R3HDM1: variants seen among roughly 807,000 people sequenced by gnomAD.
The protein encoded by R3HDM1 is R3H domain containing 1, also known as R3H domain-containing protein 1.
R3HDM1 carries 46 observed loss-of-function variants against 141.1 expected under a neutral mutation model. The ratio of observed to expected loss-of-function variants is 0.33; its 90% CI spans 0.26 to 0.42. The LOEUF (loss-of-function observed/expected upper bound fraction) is 0.42, where lower values mean the gene tolerates loss of function less well. Among genes scored for constraint, R3HDM1 ranks in the 10% least tolerant of loss-of-function variants. R3HDM1 has a pLI of 1.00. For missense variants in R3HDM1, 1,184 were observed against 1,368.3 expected (o/e 0.87, Z 2.12); for synonymous variants, 435 against 472.9 (o/e 0.92, Z 1.04).
At chr2:135,606,975 T>TG (rs1236787620) in intron 3 of R3HDM1, among the ~76,000 whole-genome samples, 66 of 6,936 alleles carry the variant, frequency 9.5e-3, no homozygotes, top group African/African-American at 0.024. Context: ...TTTTTTTGGG[T>TG]GGGGGGGCGG....
intron 1 of R3HDM1, among the ~76,000 whole-genome samples, chr2:135,579,789 A>G (rs1234456428): frequency 6.6e-6 from 1 of 152,182 alleles, no homozygotes; most frequent in Non-Finnish European, 1.5e-5. Context: ...GAATCTAAAT[A>G]AGGTCTGTAG....
chr2:135,570,196 T>C (rs1437860453), intron 1 of R3HDM1, among the ~76,000 whole-genome samples: 1 of 152,268 alleles, frequency 6.6e-6, no homozygotes, highest in Non-Finnish European at 1.5e-5. Context: ...ATTATTCTTA[T>C]TTTCTGCCAC....
intron 1 of R3HDM1, among the ~76,000 whole-genome samples, chr2:135,576,835 C>T (rs1224852294): frequency 6.6e-6 from 1 of 151,934 alleles, no homozygotes; most frequent in Non-Finnish European, 1.5e-5. Context: ...TTAGTGGTTG[C>T]CGGGGGCTAA....
chr2:135,587,890 CT>C (rs1183074102), intron 1 of R3HDM1, among the ~76,000 whole-genome samples: 1 of 151,982 alleles, frequency 6.6e-6, no homozygotes, highest in Non-Finnish European at 1.5e-5. Context: ...CTCCCTCCAT[CT>C]TCCATTCTCC....
At chr2:135,584,289 C>G (rs1252724409) in intron 1 of R3HDM1, 1 of 715,382 alleles carries the variant, frequency 1.4e-6, no homozygotes, top group Non-Finnish European at 1.7e-6. Flanking sequence ...GATTGTGCCA[C>G]TGCTCTCCAG....
Position 135,651,916 on chromosome 2 carries a change from C to T in R3HDM1, c.1912C>T (p.Pro638Ser). Reference sequence around the variant, plus strand: ...TCCACCGCCACCACCACCACCTCCTCCTCCTCCCCTACCACCTGGGCAGCC... The same window carrying T: ...TCCACCGCCACCACCACCACCTCCTTCTCCTCCCCTACCACCTGGGCAGCC... ...PPPPPPPPPP[P>S]PPLPPGQPVP... is the part of the protein sequence containing the mutation. Residue 638 changes from proline to serine, a missense_variant, in exon 18 of 27, where the codon CCT becomes TCT. Around this residue, in one of 5 missense-constraint regions of R3HDM1, gnomAD observed 563 missense variants for 562.0 expected, o/e 1.00. Transcript: ENST00000683871. 6.2e-7 allele frequency: 1 copy of T among 1,612,712 alleles called. No individual in the cohort carries two copies. The highest frequency in any genetic ancestry group is 8.5e-7 in the Non-Finnish European group (1 of 1,178,868).
Position 135,531,681 on chromosome 2 carries a change from G to T in R3HDM1, c.-250+48G>T, listed in dbSNP as rs928037078. ...CCGTCCAGCTCCCCGGGAATAACGC[G>T]CCTTGCTCCCCTCCCCCGCCCGCCA... On this transcript the variant is annotated intron_variant, in intron 1 of 26. Coordinates refer to ENST00000683871, the MANE Select transcript of R3HDM1 (RefSeq NM_001378107.1). 4 of 985,966 alleles carry T rather than the reference G, an allele frequency of 4.1e-6. No homozygotes were observed. In the African/African-American group the frequency reaches 5.2e-5, roughly 13 times the overall value. The allele number at this position is 985,966 out of a possible 1,614,324, so 61.1% of individuals were successfully genotyped here. A position where few individuals can be genotyped will look rare whatever the true frequency, so the allele number is the denominator to read the frequency against.
chr2:135,711,981 A>G (rs2075697518), intron 23 of R3HDM1, among the ~76,000 whole-genome samples: 1 of 151,426 alleles, frequency 6.6e-6, no homozygotes, highest in Non-Finnish European at 1.5e-5. Flanking sequence ...AAAAAAAAAA[A>G]AAAAAAAGAG....
intron 3 of R3HDM1, chr2:135,607,831 T>C (rs2060205777): frequency 1.0e-6 from 1 of 981,018 alleles, no homozygotes; most frequent in South Asian, 4.7e-5. Context: ...ACCCAAACCA[T>C]TTATTGAAAA....
intron 1 of R3HDM1, among the ~76,000 whole-genome samples, chr2:135,579,600 G>A (rs928950538): frequency 1.4e-5 from 2 of 147,756 alleles, no homozygotes; most frequent in Non-Finnish European, 2.9e-5. Flanking sequence ...GGTGGCGGGG[G>A]GGGGTGGAAA....
intron 19 of R3HDM1, 107 bp downstream of exon 19, chr2:135,661,500 T>C (rs933495980): frequency 7.2e-7 from 1 of 1,387,658 alleles, no homozygotes; most frequent in East Asian, 2.3e-5. Context: ...GGATCTCGAA[T>C]ATGTTCATAC....
At chr2:135,715,162 A>G (rs886354040) in intron 23 of R3HDM1, among the ~76,000 whole-genome samples, 1 of 152,194 alleles carries the variant, frequency 6.6e-6, no homozygotes, top group Non-Finnish European at 1.5e-5. Flanking sequence ...ATCCTGGCTA[A>G]CACAGGGAAA....
chr2:135,698,850 G>A lies in R3HDM1; in HGVS notation c.2460-10583G>A, dbSNP rs1322879637. The stretch of plus-strand genomic sequence containing the variant: ...AGAACTCACTGTACAGTACCAAGGG[G>A]GAATGGTGCTAAACCATTAGAAACC... On this transcript the variant is annotated intron_variant, in intron 21 of 26. Transcript: ENST00000683871. Among the ~76,000 whole-genome samples the A allele has an allele frequency of 3.3e-5, 5 of 152,106 alleles. No homozygotes were observed. The South Asian group carries it at 1.0e-3, about 32-fold the overall frequency.
chr2:135,706,589 C>A (rs1455165844), intron 21 of R3HDM1, among the ~76,000 whole-genome samples: 3 of 152,058 alleles, frequency 2.0e-5, no homozygotes, highest in Admixed American at 6.6e-5. Flanking sequence ...CTTAACGAGC[C>A]TGCTGCCTTC....
At chr2:135,592,043 A>G (rs1709403799) in intron 1 of R3HDM1, among the ~76,000 whole-genome samples, 1 of 152,244 alleles carries the variant, frequency 6.6e-6, no homozygotes, top group African/African-American at 2.4e-5. Flanking sequence ...ATCATTGGCC[A>G]TGCAATTGAA....
At chr2:135,561,041 A>G (rs1701705126) in intron 1 of R3HDM1, among the ~76,000 whole-genome samples, 1 of 152,244 alleles carries the variant, frequency 6.6e-6, no homozygotes, top group Admixed American at 6.5e-5. Flanking sequence ...AATGTATGGT[A>G]CAACCAAGAC....
chr2:135,668,052 TTTATG>T (rs1278610331), intron 19 of R3HDM1, among the ~76,000 whole-genome samples: 6 of 152,180 alleles, frequency 3.9e-5, no homozygotes, highest in African/African-American at 1.4e-4. Context: ...GATCCTTTAT[TTTATG>T]TTAACAATTA....
chr2:135,621,829 A>G, intron 6 of R3HDM1: 1 of 982,520 alleles, frequency 1.0e-6, no homozygotes, highest in African/African-American at 1.7e-5. Context: ...ACAGACGTTG[A>G]GGACATCTTA....
chr2:135,682,986 G>A (rs551127740), intron 21 of R3HDM1, among the ~76,000 whole-genome samples: 1 of 152,186 alleles, frequency 6.6e-6, no homozygotes, highest in Admixed American at 6.5e-5. Context: ...AACAGAGGGA[G>A]ACTCTGCCTC....
Sources: allele counts gnomAD v4.1 joint callset (sites outside exome capture counted in the v4.1 genomes callset), GRCh38; gene constraint gnomAD v4.1.1; regional missense constraint gnomAD v4.1.1; transcripts MANE v1.5; gene names NCBI Gene and HGNC (gene_info 2026-07-23, HGNC 2026-07-21).